The following IDH1 variants were observed in gnomAD, a reference collection of about 807,000 sequenced individuals.
The protein encoded by IDH1 is isocitrate dehydrogenase (NADP(+)) 1.
IDH1 carries 33 observed loss-of-function variants against 46.1 expected under a neutral mutation model. The observed-to-expected ratio is 0.72, with a 90% confidence interval of 0.54 to 0.96. The LOEUF is 0.96. Among genes scored for constraint, IDH1 ranks in the 40% least tolerant of loss-of-function variants. The pLI is 0.00. For synonymous variants in IDH1, 144 were observed against 172.8 expected (o/e 0.83, Z 1.31); for missense variants, 421 against 515.7 (o/e 0.82, Z 1.78).
At chr2:208,239,779 A>C in intron 8 of IDH1, 84 bp downstream of exon 8, 2 of 1,388,276 alleles carry the variant, frequency 1.4e-6, no homozygotes, top group Non-Finnish European at 2.1e-6. Context: ...CTTTGCACAC[A>C]AAACACTGAG....
chr2:208,248,266 G>A (rs2124862098), intron 4 of IDH1, 103 bp downstream of exon 4: 2 of 956,298 alleles, frequency 2.1e-6, no homozygotes, highest in South Asian at 1.4e-5. Flanking sequence ...TTGCTTAATG[G>A]GTGTAGATAC....
At position 208,242,063 on chromosome 2, in the gene IDH1, A is replaced by G; in HGVS notation, c.781T>C (p.Ser261Pro). The G allele has an allele frequency of 6.2e-7, 1 of 1,613,434 alleles. No individual in the cohort carries two copies. The highest frequency in any genetic ancestry group is 8.5e-7 in the Non-Finnish European group (1 of 1,179,858). ...IDDMVAQAMK[S>P]EGGFIWACKN... ...CAGGCCCAGATGAAGCCTCCCTCTGATTTCATAGCTTGGGCCACCATGTCG... is the reference window on the plus strand; with the variant it reads ...CAGGCCCAGATGAAGCCTCCCTCTGGTTTCATAGCTTGGGCCACCATGTCG... The change falls in exon 7 of 10, where the codon TCA (serine) becomes CCA (proline). Residue 261 changes from serine (S) to proline (P), a missense_variant. Ser to Pro is a moderately conservative substitution (Grantham distance 74). Transcript: ENST00000345146.
At chr2:208,248,707 G>C (rs748131660) in intron 3 of IDH1, 47 bp from the exon 4 acceptor site, 2 of 1,533,510 alleles carry the variant, frequency 1.3e-6, no homozygotes, top group East Asian at 2.2e-5. Context: ...CAAATGGATA[G>C]TTATAACCTA....
At chr2:208,246,603 C>T (rs1688025788) in intron 4 of IDH1, among the ~76,000 whole-genome samples, 1 of 148,958 alleles carries the variant, frequency 6.7e-6, no homozygotes, top group Non-Finnish European at 1.5e-5. Context: ...AATAGAATGG[C>T]CATTTTTACA....
chr2:208,254,534 A>G (rs55919809), intron 1 of IDH1: 2,276 of 152,464 alleles, frequency 0.015, 61 homozygotes, highest in African/African-American at 0.052. Context: ...TGCGGCTTAC[A>G]GCCTTCTTTG....
In IDH1 at chr2:208,251,511, T is replaced by C. The variant is rs1231034122; in HGVS notation, c.41A>G (p.Gln14Arg). ...KISGGSVVEM[Q>R]GDEMTRIIWE... Reference sequence around the variant, plus strand: ...AATGATTCGTGTCATTTCATCTCCTTGCATCTCTACCACAGAACCGCCACT... The same window carrying C: ...AATGATTCGTGTCATTTCATCTCCTCGCATCTCTACCACAGAACCGCCACT... The change falls in exon 3 of 10, where the codon CAA becomes CGA. Residue 14 changes from glutamine to arginine, a missense_variant. Physicochemically the swap from Gln to Arg is conservative, Grantham distance 43. Transcript: ENST00000345146. 2 of 1,613,916 alleles carry C rather than the reference T, an allele frequency of 1.2e-6. No homozygotes were observed. The highest frequency in any genetic ancestry group is 1.7e-6 in the Non-Finnish European group (2 of 1,179,880).
chr2:208,242,965 C>T (rs1179866114), intron 6 of IDH1, among the ~76,000 whole-genome samples: 2 of 151,962 alleles, frequency 1.3e-5, no homozygotes, highest in Admixed American at 1.3e-4. Flanking sequence ...AGGGTTTCAC[C>T]GTGTTAGCCA....
Position 208,236,845 on chromosome 2 carries a change from C to A in IDH1, c.*234G>T. ...AATGAGTACTAACCGAATTCCTAGG[C>A]TGGTACTAGAAAATAAAATAAAAAT... On this transcript the variant is annotated 3_prime_UTR_variant, in exon 10 of 10. Transcript: ENST00000345146. 1 of 513,330 alleles carries A rather than the reference C, an allele frequency of 1.9e-6. No individual in the cohort carries two copies. 31.8% of individuals were successfully genotyped at this position (513,330 alleles called of 1,614,324 possible).
chr2:208,247,897 G>T, intron 4 of IDH1: 1 of 181,146 alleles, frequency 5.5e-6, no homozygotes, highest in Non-Finnish European at 1.2e-5. Context: ...GCTTTAAAAT[G>T]CCTGAACCCC....
intron 4 of IDH1, among the ~76,000 whole-genome samples, chr2:208,245,791 A>ACCCC (rs1559361378): frequency 4.2e-4 from 48 of 114,948 alleles, no homozygotes; most frequent in African/African-American, 1.7e-3. Flanking sequence ...CCCCCCCCCA[A>ACCCC]AAAAAAAAAA....
chr2:208,251,979 C>T (rs1007954170), intron 2 of IDH1, among the ~76,000 whole-genome samples: 2 of 152,152 alleles, frequency 1.3e-5, no homozygotes, highest in African/African-American at 2.4e-5. Flanking sequence ...GAGATTATTT[C>T]CACAATCTCA....
At chr2:208,239,353 C>G (rs1160422832) in intron 8 of IDH1, 120 bp from the exon 9 acceptor site, 7 of 955,104 alleles carry the variant, frequency 7.3e-6, no homozygotes, top group Non-Finnish European at 1.2e-5. Context: ...TCTTTAGATA[C>G]TAACCACATG....
Position 208,251,446 on chromosome 2 carries a change from C to T in IDH1, c.106G>A (p.Glu36Lys). 2 of 1,613,426 alleles carry T rather than the reference C, an allele frequency of 1.2e-6. No homozygotes were observed. Among genetic ancestry groups the T allele is most frequent in the Non-Finnish European group, 8.5e-7 (1 of 1,179,860 alleles). Residue 36 changes from glutamate to lysine, a missense_variant, in exon 3 of 10, where the codon GAA becomes AAA. Coordinates refer to ENST00000345146, the MANE Select transcript of IDH1 (RefSeq NM_005896.4). ...CTCATTTACCTATGTAGATCCAATT[C>T]CACGTAGGGAAAAATGAGTTTCTCT... ...IKEKLIFPYV[E>K]LDLHSYDLGI...
At chr2:208,249,283 G>C (rs1688080747) in intron 3 of IDH1, among the ~76,000 whole-genome samples, 1 of 151,602 alleles carries the variant, frequency 6.6e-6, no homozygotes, top group South Asian at 2.1e-4. Flanking sequence ...CTGCCTTCCT[G>C]GGTTCAAGTG....
intron 2 of IDH1, among the ~76,000 whole-genome samples, chr2:208,252,115 A>G (rs931471262): frequency 3.3e-5 from 5 of 152,236 alleles, no homozygotes; most frequent in African/African-American, 9.6e-5. Flanking sequence ...ATAACTAGCC[A>G]TGAGGAGATT....
At chr2:208,242,426 CTTTTCAG>C (rs1257652233) in intron 6 of IDH1, among the ~76,000 whole-genome samples, 1 of 152,216 alleles carries the variant, frequency 6.6e-6, no homozygotes, top group Non-Finnish European at 1.5e-5. Flanking sequence ...GACTACTTCA[CTTTTCAG>C]TTTTCATTAT....
intron 4 of IDH1, among the ~76,000 whole-genome samples, chr2:208,246,156 A>G (rs982876318): frequency 1.3e-5 from 2 of 152,178 alleles, no homozygotes; most frequent in African/African-American, 4.8e-5. Flanking sequence ...CAATGGGATG[A>G]TGATGATTTT....
intron 6 of IDH1, among the ~76,000 whole-genome samples, chr2:208,242,699 A>G (rs1045061110): frequency 1.3e-5 from 2 of 152,212 alleles, no homozygotes; most frequent in African/African-American, 4.8e-5. Context: ...CAGTGTTGTT[A>G]TAAACTTAGA....
intron 3 of IDH1, among the ~76,000 whole-genome samples, chr2:208,250,595 T>C (rs1390044516): frequency 6.6e-6 from 1 of 152,194 alleles, no homozygotes; most frequent in East Asian, 1.9e-4. Context: ...TTCAGCCACT[T>C]TACCCTTTTA....
Sources: allele counts gnomAD v4.1 joint callset (sites outside exome capture counted in the v4.1 genomes callset), GRCh38; gene constraint gnomAD v4.1.1; transcripts MANE v1.5; gene names NCBI Gene and HGNC (gene_info 2026-07-23, HGNC 2026-07-21).